WWOX: variants seen among roughly 807,000 people sequenced by gnomAD.
WWOX encodes the protein WW domain-containing oxidoreductase.
Under a neutral mutation model 46.2 loss-of-function variants are expected in WWOX, and 69 were observed. The observed-to-expected ratio is 1.49, with a 90% CI of 1.23 to 1.82. The LOEUF (loss-of-function observed/expected upper bound fraction) is 1.82, where lower values mean the gene tolerates loss of function less well. Among genes scored for constraint, WWOX ranks in the 40% most tolerant of loss-of-function variants. WWOX has a pLI of 0.00. For synonymous variants in WWOX, 359 were observed against 202.6 expected, an observed-to-expected ratio of 1.77 and a Z score of -6.56; for missense variants, 919 against 542.6, an observed-to-expected ratio of 1.69 and a Z score of -6.89.
chr16:79,184,628 G>T (rs1299207465), intron 8 of WWOX, among the ~76,000 whole-genome samples: 2 of 152,132 alleles, frequency 1.3e-5, no homozygotes, highest in African/African-American at 2.4e-5. Flanking sequence ...CTCTCCTGAG[G>T]GTCAATATGG....
intron 5 of WWOX, among the ~76,000 whole-genome samples, chr16:78,378,040 A>T (rs1351193549): frequency 6.6e-6 from 1 of 151,996 alleles, no homozygotes; most frequent in African/African-American, 2.4e-5. Context: ...GTGAAGGTTG[A>T]TGCTGGATGG....
rs569727999 is a variant in WWOX at position 78,198,710 on chromosome 16, A to G, written c.516+34421A>G. Among the ~76,000 whole-genome samples the G allele has an allele frequency of 9.6e-4, 146 of 152,130 alleles. 1 individual carries two copies. Among genetic ancestry groups the G allele is most frequent in the Non-Finnish European group, 1.9e-3 (128 of 67,992 alleles). ...TTAGCTCATTTTTACCATCTTCCCT[A>G]GTTGTATCACCTTCCTCCCATTATG... On this transcript the variant is annotated intron_variant, in intron 5 of 8. Coordinates refer to ENST00000566780, the MANE Select transcript of WWOX (RefSeq NM_016373.4).
chr16:79,095,950 A>G (rs1409235853), intron 8 of WWOX, among the ~76,000 whole-genome samples: 2 of 146,242 alleles, frequency 1.4e-5, no homozygotes, highest in African/African-American at 5.1e-5. Context: ...CCCAGGTTCA[A>G]GTGATTTTCC....
At chr16:78,523,472 G>A (rs184501972) in intron 8 of WWOX, among the ~76,000 whole-genome samples, 18 of 152,230 alleles carry the variant, frequency 1.2e-4, no homozygotes, top group African/African-American at 4.1e-4. Context: ...TGAAGGTCAC[G>A]GGCTTAGTAG....
chr16:79,003,683 C>T (rs944776445), intron 8 of WWOX, among the ~76,000 whole-genome samples: 17 of 152,202 alleles, frequency 1.1e-4, no homozygotes, highest in African/African-American at 4.1e-4. Context: ...GGTCTCAGCT[C>T]GTGGCTGCTC....
chr16:78,317,271 C>T (rs1337862407), intron 5 of WWOX, among the ~76,000 whole-genome samples: 1 of 152,176 alleles, frequency 6.6e-6, no homozygotes, highest in Non-Finnish European at 1.5e-5. Flanking sequence ...TGAATTCTCT[C>T]TCTCTCTCTG....
At chr16:78,582,534 G>C (rs1279542486) in intron 8 of WWOX, among the ~76,000 whole-genome samples, 1 of 152,182 alleles carries the variant, frequency 6.6e-6, no homozygotes, top group African/African-American at 2.4e-5. Context: ...ATTTTGCACA[G>C]AATTAAGACG....
At chr16:79,168,238 T>C (rs970441064) in intron 8 of WWOX, among the ~76,000 whole-genome samples, 3 of 152,212 alleles carry the variant, frequency 2.0e-5, no homozygotes, top group Non-Finnish European at 2.9e-5. Flanking sequence ...TTCTTGGGTA[T>C]ATACTTAGGG....
chr16:79,033,240 A>G (rs955361960), intron 8 of WWOX, among the ~76,000 whole-genome samples: 6 of 147,714 alleles, frequency 4.1e-5, no homozygotes, highest in Admixed American at 2.0e-4. Flanking sequence ...AACAAAGTCT[A>G]TAAAAACTGT....
At chr16:78,487,815 C>T (rs956458253) in intron 8 of WWOX, among the ~76,000 whole-genome samples, 1 of 152,116 alleles carries the variant, frequency 6.6e-6, no homozygotes, top group African/African-American at 2.4e-5. Context: ...TTGTTTTTAG[C>T]CCTCCTTTTC....
chr16:78,671,670 A>G (rs1365936841), intron 8 of WWOX, among the ~76,000 whole-genome samples: 1 of 152,164 alleles, frequency 6.6e-6, no homozygotes, highest in Non-Finnish European at 1.5e-5. Context: ...GAGACAGTGT[A>G]TGTAAAGCAT....
chr16:79,049,350 A>G (rs1333919335), intron 8 of WWOX, among the ~76,000 whole-genome samples: 1 of 150,770 alleles, frequency 6.6e-6, no homozygotes, highest in Admixed American at 6.6e-5. Flanking sequence ...GGGCAAACAC[A>G]GGGGATTTAT....
intron 8 of WWOX, among the ~76,000 whole-genome samples, chr16:79,097,231 A>G (rs1438412260): frequency 1.3e-5 from 2 of 152,158 alleles, no homozygotes; most frequent in African/African-American, 2.4e-5. Context: ...CAATAATTGC[A>G]TAATGACGTC....
At chr16:78,867,133 G>C (rs922535270) in intron 8 of WWOX, among the ~76,000 whole-genome samples, 1 of 152,124 alleles carries the variant, frequency 6.6e-6, no homozygotes, top group Non-Finnish European at 1.5e-5. Context: ...ATGATGAGAA[G>C]GGGTGGGTCA....
chr16:78,338,907 C>A (rs1181899880), intron 5 of WWOX, among the ~76,000 whole-genome samples: 1 of 120,354 alleles, frequency 8.3e-6, no homozygotes, highest in Non-Finnish European at 2.0e-5. Flanking sequence ...GTTAAAGCAG[C>A]CCTCAGCATC....
chr16:78,639,138 G>C (rs1451168157), intron 8 of WWOX, among the ~76,000 whole-genome samples: 1 of 152,184 alleles, frequency 6.6e-6, no homozygotes, highest in Non-Finnish European at 1.5e-5. Context: ...TTTTGGGCAA[G>C]GTGAAAACTT....
Position 78,743,245 on chromosome 16 carries a change from C to T in WWOX, c.1056+310493C>T, listed in dbSNP as rs111417151. Reference sequence around the variant, plus strand: ...AAAAGCCATCTTATCTCTCTGAGTGCAAGGTGACAGTGAGGAGATTGGCCC... The same window carrying T: ...AAAAGCCATCTTATCTCTCTGAGTGTAAGGTGACAGTGAGGAGATTGGCCC... On this transcript the variant is annotated intron_variant, in intron 8 of 8. Transcript: ENST00000566780. Among the ~76,000 whole-genome samples, 1,138 of 152,250 alleles carry T rather than the reference C, an allele frequency of 7.5e-3. 10 individuals are homozygous for T. The highest frequency in any genetic ancestry group is 0.011 in the Non-Finnish European group (757 of 68,026).
chr16:78,335,871 C>T (rs534488928), intron 5 of WWOX, among the ~76,000 whole-genome samples: 6 of 152,088 alleles, frequency 3.9e-5, no homozygotes, highest in Non-Finnish European at 5.9e-5. Flanking sequence ...GCGGGTGGAT[C>T]GCTTGAGGCC....
chr16:78,566,211 A>C (rs564805120), intron 8 of WWOX, among the ~76,000 whole-genome samples: 2 of 152,216 alleles, frequency 1.3e-5, no homozygotes, highest in East Asian at 3.9e-4. Flanking sequence ...ATCTCATTTG[A>C]AATTAGTCAC....
Sources: gnomAD v4.1 joint callset for allele counts (sites outside exome capture counted in the v4.1 genomes callset) on GRCh38, gnomAD v4.1.1 for gene constraint, MANE v1.5 for transcripts, NCBI Gene and HGNC (gene_info 2026-07-23, HGNC 2026-07-21) for gene names.